The following CACNA2D3 variants were observed in gnomAD, a reference collection of about 807,000 sequenced individuals.
CACNA2D3 encodes voltage-dependent calcium channel subunit alpha-2/delta-3.
Under a neutral mutation model 160.6 loss-of-function variants are expected in CACNA2D3, and 60 were observed. The ratio of observed to expected loss-of-function variants is 0.37; its 90% CI spans 0.30 to 0.46. The LOEUF is 0.46. Among genes scored for constraint, CACNA2D3 ranks in the 20% least tolerant of loss-of-function variants. CACNA2D3 has a pLI of 1.00. For missense variants in CACNA2D3, 1,205 were observed against 1,365.0 expected, an observed-to-expected ratio of 0.88 and a Z score of 1.85; for synonymous variants, 558 against 492.9, an observed-to-expected ratio of 1.13 and a Z score of -1.75.
At chr3:54,584,503 C>G (rs1187309268) in intron 9 of CACNA2D3, among the ~76,000 whole-genome samples, 1 of 151,920 alleles carries the variant, frequency 6.6e-6, no homozygotes, top group Non-Finnish European at 1.5e-5. Context: ...AGAAAATAGA[C>G]TGGACCAAAA....
chr3:54,502,602 A>G (rs1285084180), intron 4 of CACNA2D3, among the ~76,000 whole-genome samples: 1 of 152,216 alleles, frequency 6.6e-6, no homozygotes, highest in South Asian at 2.1e-4. Flanking sequence ...TTCCACCCAC[A>G]CCTGCCATTG....
chr3:54,188,332 G>T (rs890750129), intron 2 of CACNA2D3, among the ~76,000 whole-genome samples: 1 of 152,216 alleles, frequency 6.6e-6, no homozygotes, highest in Non-Finnish European at 1.5e-5. Flanking sequence ...CAGCTGAGGA[G>T]AGCTGTAATG....
intron 27 of CACNA2D3, among the ~76,000 whole-genome samples, chr3:54,940,662 A>G (rs943455404): frequency 2.0e-5 from 3 of 151,890 alleles, no homozygotes; most frequent in Non-Finnish European, 2.9e-5. Context: ...GAATGCCTAA[A>G]AGGACCAAAA....
At chr3:54,656,674 C>T (rs1290855357) in intron 11 of CACNA2D3, among the ~76,000 whole-genome samples, 1 of 152,236 alleles carries the variant, frequency 6.6e-6, no homozygotes, top group Admixed American at 6.5e-5. Context: ...TCCCCACTCC[C>T]TGACACCCTG....
At chr3:54,740,804 C>T (rs897219152) in intron 11 of CACNA2D3, among the ~76,000 whole-genome samples, 1 of 152,156 alleles carries the variant, frequency 6.6e-6, no homozygotes, top group Non-Finnish European at 1.5e-5. Flanking sequence ...ATAGAAATGA[C>T]AAGAACTTGG....
intron 25 of CACNA2D3, chr3:54,894,612 C>T (rs1700142327): frequency 1.9e-6 from 1 of 516,324 alleles, no homozygotes; most frequent in African/African-American, 1.9e-5. Flanking sequence ...ACTGAACAGA[C>T]CTGCTGGGAG....
chr3:54,630,293 T>A (rs1053861070), intron 10 of CACNA2D3, among the ~76,000 whole-genome samples: 2 of 152,144 alleles, frequency 1.3e-5, no homozygotes, highest in Admixed American at 6.5e-5. Context: ...TTTGCCCAAG[T>A]CATTAGGAGT....
chr3:54,343,122 T>C (rs772223847), intron 3 of CACNA2D3, among the ~76,000 whole-genome samples: 1 of 152,298 alleles, frequency 6.6e-6, no homozygotes, highest in Non-Finnish European at 1.5e-5. Context: ...TTTTAAACTT[T>C]TTTTTCCCTC....
chr3:54,251,019 G>C (rs140955286), intron 2 of CACNA2D3, among the ~76,000 whole-genome samples: 2 of 152,174 alleles, frequency 1.3e-5, no homozygotes, highest in Admixed American at 1.3e-4. Flanking sequence ...CAAAAGCTCC[G>C]AGGCAGCACT....
intron 26 of CACNA2D3, among the ~76,000 whole-genome samples, chr3:54,899,286 A>C (rs1018166228): frequency 6.6e-6 from 1 of 152,248 alleles, no homozygotes; most frequent in African/African-American, 2.4e-5. Context: ...ATCCCTGTTT[A>C]GAATAATTTT....
chr3:54,490,501 G>C (rs1390233663), intron 4 of CACNA2D3, among the ~76,000 whole-genome samples: 1 of 152,188 alleles, frequency 6.6e-6, no homozygotes, highest in Non-Finnish European at 1.5e-5. Context: ...GAGTGGGAAG[G>C]CTCTTCCTAG....
At chr3:54,944,839 G>GTGTT (rs1271397380) in intron 27 of CACNA2D3, among the ~76,000 whole-genome samples, 8 of 151,950 alleles carry the variant, frequency 5.3e-5, no homozygotes, top group African/African-American at 1.9e-4. Context: ...GTGTGTGTGT[G>GTGTT]TGTTTGCTGT....
intron 2 of CACNA2D3, among the ~76,000 whole-genome samples, chr3:54,248,827 C>A (rs1297628614): frequency 6.6e-6 from 1 of 152,168 alleles, no homozygotes; most frequent in Non-Finnish European, 1.5e-5. Context: ...AGAACTATGA[C>A]TAGTTGAGGT....
At chr3:54,852,932 G>T (rs969303639) in intron 17 of CACNA2D3, among the ~76,000 whole-genome samples, 1 of 152,148 alleles carries the variant, frequency 6.6e-6, no homozygotes, top group Non-Finnish European at 1.5e-5. Context: ...TAATTCCAAA[G>T]AATTTAGATG....
chr3:54,933,149 T>C (rs1454469298), intron 27 of CACNA2D3, among the ~76,000 whole-genome samples: 1 of 148,992 alleles, frequency 6.7e-6, no homozygotes, highest in Non-Finnish European at 1.5e-5. Context: ...TTTACTATCC[T>C]ATAAGAGATA....
In CACNA2D3 at chr3:54,977,508, G is replaced by T. The variant is rs568150259; in HGVS notation, c.2557-7100G>T. On this transcript the variant is annotated intron_variant, in intron 29 of 37. Coordinates refer to ENST00000474759, the MANE Select transcript of CACNA2D3 (RefSeq NM_018398.3). ...CAGAAAGATATTGACCAAAGATGTAGGTCTAATAGCAAGAGTACTAATTAG... is the reference window on the plus strand; with the variant it reads ...CAGAAAGATATTGACCAAAGATGTATGTCTAATAGCAAGAGTACTAATTAG... Among the ~76,000 whole-genome samples the T allele has an allele frequency of 6.0e-4, 92 of 152,248 alleles. 1 individual carries two copies. Among genetic ancestry groups the T allele is most frequent in the Non-Finnish European group, 1.1e-3 (77 of 68,008 alleles).
intron 2 of CACNA2D3, among the ~76,000 whole-genome samples, chr3:54,182,203 A>T (rs1700797483): frequency 6.6e-6 from 1 of 152,104 alleles, no homozygotes; most frequent in Non-Finnish European, 1.5e-5. Flanking sequence ...CTTGTCCAAC[A>T]CTCCCTGAGA....
At chr3:54,943,141 A>C (rs1310472310) in intron 27 of CACNA2D3, among the ~76,000 whole-genome samples, 1 of 151,872 alleles carries the variant, frequency 6.6e-6, no homozygotes, top group Non-Finnish European at 1.5e-5. Context: ...GTTCGAGGCT[A>C]CAGTGGACTA....
At chr3:55,070,008 T>TAATTTTTA (rs1553642950) in intron 35 of CACNA2D3, among the ~76,000 whole-genome samples, 1 of 151,692 alleles carries the variant, frequency 6.6e-6, no homozygotes, top group East Asian at 1.9e-4. Context: ...ACAGTTTAAT[T>TAATTTTTA]TTTTATTCTT....
Sources: allele counts gnomAD v4.1 joint callset (sites outside exome capture counted in the v4.1 genomes callset), GRCh38; gene constraint gnomAD v4.1.1; transcripts MANE v1.5; gene names NCBI Gene and HGNC (gene_info 2026-07-23, HGNC 2026-07-21).